LY75: variants seen among roughly 807,000 people sequenced by gnomAD.
LY75 encodes the protein lymphocyte antigen 75.
Under a neutral mutation model 231.7 loss-of-function variants are expected in LY75, and 185 were observed. The ratio of observed to expected loss-of-function variants is 0.80; its 90% CI spans 0.71 to 0.90. The LOEUF is 0.90. Ranked by LOEUF, LY75 falls within the 40% of genes least tolerant of loss-of-function variation. The pLI, the probability that LY75 is intolerant of heterozygous loss-of-function variation, is 0.00. For synonymous variants in LY75, 668 were observed against 689.0 expected, an observed-to-expected ratio of 0.97 and a Z score of 0.48; for missense variants, 1,947 against 2,050.2, an observed-to-expected ratio of 0.95 and a Z score of 0.97.
chr2:159,861,917 G>A (rs984481084), intron 14 of LY75, among the ~76,000 whole-genome samples: 2 of 151,930 alleles, frequency 1.3e-5, no homozygotes, highest in Non-Finnish European at 2.9e-5. Context: ...CACTTTGGGA[G>A]GCTAAGATGG....
At chr2:159,815,701 TC>T in intron 30 of LY75, 128 bp from the exon 31 acceptor site, 1 of 1,153,612 alleles carries the variant, frequency 8.7e-7, no homozygotes, top group South Asian at 1.6e-5. Flanking sequence ...GTATTGTAGG[TC>T]TGAACCTACT....
intron 31 of LY75, among the ~76,000 whole-genome samples, chr2:159,812,032 A>T (rs1549578): frequency 0.093 from 14,077 of 152,070 alleles, 1,135 homozygotes; most frequent in East Asian, 0.22. Context: ...TATATTGCTG[A>T]TTACTCATTG....
chr2:159,809,099 T>C (rs567833645), intron 32 of LY75, among the ~76,000 whole-genome samples: 27 of 152,272 alleles, frequency 1.8e-4, no homozygotes, highest in African/African-American at 5.5e-4. Context: ...AACCGAATGG[T>C]TCCCACACAA....
At position 159,875,563 on chromosome 2, in the gene LY75, C is replaced by T; in HGVS notation, c.1855G>A (p.Ala619Thr). The change falls in exon 12 of 35, where the codon GCA becomes ACA. Residue 619 changes from alanine (A) to threonine (T), a missense_variant. Physicochemically the swap from Ala to Thr is moderately conservative, Grantham distance 58. Coordinates refer to ENST00000263636, the MANE Select transcript of LY75 (RefSeq NM_002349.4). ...WEVKDCRSFK[A>T]LSICKKMSGP... ...CTCATTTTCTTGCAAATTGAAAGTG[C>T]TTTGAAGCTTCTGCAGTCCTTCACC... is the stretch of plus-strand genomic sequence containing the variant. 6.2e-7 allele frequency: 1 copy of T among 1,614,096 alleles called. No individual in the cohort carries two copies. The highest frequency in any genetic ancestry group is 8.5e-7 in the Non-Finnish European group (1 of 1,179,996).
chr2:159,851,873 A>T (rs1684411149), intron 21 of LY75, among the ~76,000 whole-genome samples: 1 of 152,230 alleles, frequency 6.6e-6, no homozygotes, highest in African/African-American at 2.4e-5. Flanking sequence ...ACAAGCCAGA[A>T]ATTAAGTCAG....
At chr2:159,816,124 C>A (rs1368008713) in intron 30 of LY75, among the ~76,000 whole-genome samples, 1 of 152,146 alleles carries the variant, frequency 6.6e-6, no homozygotes, top group African/African-American at 2.4e-5. Flanking sequence ...AAATCTTCCC[C>A]ACTCTGTTCT....
intron 26 of LY75, 138 bp from the exon 27 acceptor site, chr2:159,834,349 A>T: frequency 8.9e-7 from 1 of 1,123,328 alleles, no homozygotes; most frequent in Non-Finnish European, 1.2e-6. Flanking sequence ...CTCTGTTTAT[A>T]CTCAGATATA....
At position 159,886,430 on chromosome 2, in the gene LY75, G is replaced by A; in HGVS notation, c.903C>T (p.Asn301=). The change falls in exon 5 of 35, where the codon AAC becomes AAT. Residue 301 remains asparagine, a synonymous_variant. Coordinates refer to ENST00000263636, the MANE Select transcript of LY75 (RefSeq NM_002349.4). The part of the protein sequence containing the change: ...WSDHKPLNFL[N]WDPDRPSAPT... ...GGAAAGAGCAGTTACCTGGATCCCA[G>A]TTGAGAAAGTTTAATGGTTTGTGGT... 3 of 1,607,030 alleles carry A rather than the reference G, an allele frequency of 1.9e-6. No individual in the cohort carries two copies. The highest frequency in any genetic ancestry group is 2.6e-6 in the Non-Finnish European group (3 of 1,175,760).
At chr2:159,882,905 G>C (rs928200705) in intron 6 of LY75, among the ~76,000 whole-genome samples, 4 of 152,020 alleles carry the variant, frequency 2.6e-5, no homozygotes, top group African/African-American at 9.7e-5. Context: ...TAGACAGATG[G>C]TCCTCATGGA....
chr2:159,811,291 G>A (rs567977413), intron 31 of LY75, among the ~76,000 whole-genome samples: 3 of 152,108 alleles, frequency 2.0e-5, no homozygotes, highest in East Asian at 1.9e-4. Context: ...CATCAGCACC[G>A]CAACATCACT....
Position 159,840,727 on chromosome 2 carries a change from A to G in LY75, c.3507+2T>C. ...TCCTGGCAGTTGGGACTGAACACTT[A>G]CATCTTGACTGAAGAGTCCGATCCA... On this transcript the variant is annotated splice_donor_variant, in intron 25 of 34. Coordinates refer to ENST00000263636, the MANE Select transcript of LY75 (RefSeq NM_002349.4). LOFTEE classifies it high-confidence loss of function. The G allele has an allele frequency of 6.2e-7, 1 of 1,614,044 alleles. No individual in the cohort carries two copies. Among genetic ancestry groups the G allele is most frequent in the Non-Finnish European group, 8.5e-7 (1 of 1,179,932 alleles).
At chr2:159,893,313 A>G (rs1685814738) in intron 3 of LY75, among the ~76,000 whole-genome samples, 1 of 152,198 alleles carries the variant, frequency 6.6e-6, no homozygotes, top group African/African-American at 2.4e-5. Flanking sequence ...TGAAATGACC[A>G]ATCCACTCTT....
chr2:159,893,962 T>G lies in LY75; in HGVS notation c.589A>C (p.Thr197Pro). The G allele has an allele frequency of 6.2e-7, 1 of 1,613,770 alleles. No homozygotes were observed. The highest frequency in any genetic ancestry group is 8.5e-7 in the Non-Finnish European group (1 of 1,179,816). The stretch of plus-strand genomic sequence containing the variant: ...TTTCGGTCATATTCATAATTTAAGG[T>G]GGTGGCACACCATGGCCCACTATGA... ...EDHSGPWCAT[T>P]LNYEYDRKWG... The change falls in exon 3 of 35, where the codon ACC becomes CCC. Residue 197 changes from threonine to proline, a missense_variant. Thr to Pro is a conservative substitution (Grantham distance 38, BLOSUM62 -1). Transcript: ENST00000263636.
chr2:159,898,860 G>C lies in LY75; in HGVS notation c.294C>G (p.Phe98Leu). Residue 98 changes from phenylalanine (F) to leucine (L), a missense_variant, in exon 2 of 35, where the codon TTC becomes TTG. By Grantham distance (22) the Phe-to-Leu change is conservative (BLOSUM62 0). Transcript: ENST00000263636. ...ACAGCATGGCACTGGAGTCACAGCT[G>C]AACATTCTCAGCTCATTTACCGATT... The part of the protein sequence containing the change: ...ITKSVNELRM[F>L]SCDSSAMLWW... 6 of 1,614,218 alleles carry C rather than the reference G, an allele frequency of 3.7e-6. No homozygotes were observed. The highest frequency in any genetic ancestry group is 4.2e-6 in the Non-Finnish European group (5 of 1,180,032).
In LY75 at chr2:159,875,449, A is replaced by G. The variant is rs1334669391; in HGVS notation, c.1969T>C (p.Tyr657His). The change falls in exon 12 of 35, where the codon TAT (tyrosine) becomes CAT (histidine). Residue 657 changes from tyrosine (Y) to histidine (H), a missense_variant. By Grantham distance (83) the Tyr-to-His change is moderately conservative (BLOSUM62 2). Coordinates refer to ENST00000263636, the MANE Select transcript of LY75 (RefSeq NM_002349.4). ...WQSFPASLSC[Y>H]KVFHAERIVR... ...GAATGAGAATGTCACTTTACCTTAT[A>G]ACAAGAAAGACTTGCGGGGAAACTC... is the stretch of plus-strand genomic sequence containing the variant. The G allele has an allele frequency of 3.1e-6, 5 of 1,612,704 alleles. No individual in the cohort carries two copies. The highest frequency in any genetic ancestry group is 4.2e-6 in the Non-Finnish European group (5 of 1,179,546).
In LY75 at chr2:159,842,259, CAGAG is replaced by C; in HGVS notation, c.3262_3265del (p.Leu1088ValfsTer20). On this transcript the variant is annotated frameshift_variant, in exon 24 of 35. Coordinates refer to ENST00000263636, the MANE Select transcript of LY75 (RefSeq NM_002349.4). LOFTEE classifies it high-confidence loss of function. ...ATAATTGTTACCTGAATATTTCTGA[CAGAG>C]AGACACAAAGTGGCGTTCACTGCAG... 1 of 1,611,160 alleles carries C rather than the reference CAGAG, an allele frequency of 6.2e-7. No homozygotes were observed. The highest frequency in any genetic ancestry group is 8.5e-7 in the Non-Finnish European group (1 of 1,178,412).
Position 159,864,850 on chromosome 2 carries a change from C to G in LY75, c.2188G>C (p.Asp730His). ...ACGTTTTAACTTACTGGTGTACGAT[C>G]ACTCCATTGCCAGGATCCTTGTAAA... ...PDLQGSWQWS[D>H]RTPVSTIIMP... Residue 730 changes from aspartate (D) to histidine (H), a missense_variant, in exon 14 of 35, where the codon GAT (aspartate) becomes CAT (histidine). Physicochemically the swap from Asp to His is moderately conservative, Grantham distance 81. Coordinates refer to ENST00000263636, the MANE Select transcript of LY75 (RefSeq NM_002349.4). The G allele has an allele frequency of 6.2e-7, 1 of 1,600,434 alleles. No individual in the cohort carries two copies. The highest frequency in any genetic ancestry group is 1.3e-5 in the African/African-American group (1 of 74,600).
At chr2:159,822,298 G>A (rs1206154242) in intron 28 of LY75, among the ~76,000 whole-genome samples, 1 of 152,216 alleles carries the variant, frequency 6.6e-6, no homozygotes, top group African/African-American at 2.4e-5. Flanking sequence ...TGAAATTCTC[G>A]CTGCCAGCAT....
chr2:159,887,601 A>G (rs1685635093), intron 4 of LY75, among the ~76,000 whole-genome samples: 2 of 151,550 alleles, frequency 1.3e-5, no homozygotes, highest in East Asian at 1.9e-4. Flanking sequence ...AGAAAGAAAG[A>G]TAGAAAGCAG....
Sources: allele counts gnomAD v4.1 joint callset (sites outside exome capture counted in the v4.1 genomes callset), GRCh38; gene constraint gnomAD v4.1.1; transcripts MANE v1.5; gene names NCBI Gene and HGNC (gene_info 2026-07-23, HGNC 2026-07-21).